The following PLAAT1 variants were observed in gnomAD, a reference collection of about 807,000 sequenced individuals.
The protein encoded by PLAAT1 is phospholipase A and acyltransferase 1.
In PLAAT1, 13 loss-of-function variants were observed where a neutral mutation model predicts 16.4. The observed-to-expected ratio is 0.79, with a 90% CI of 0.52 to 1.26. The LOEUF is 1.26. PLAAT1 is among the 50% of genes most tolerant of loss of function. The probability of loss-of-function intolerance (pLI) is 0.00; values close to 1 mark genes in which losing one functional copy is unlikely to be tolerated. For missense variants in PLAAT1, 218 were observed against 207.8 expected (o/e 1.05, Z -0.30); for synonymous variants, 73 against 78.4 (o/e 0.93, Z 0.36).
intron 2 of PLAAT1, among the ~76,000 whole-genome samples, chr3:193,257,084 G>T (rs1177394094): frequency 2.0e-5 from 3 of 152,070 alleles, no homozygotes; most frequent in Non-Finnish European, 4.4e-5. Flanking sequence ...CCCGGACTAT[G>T]TCTCTTTAAA....
At chr3:193,280,440 T>C (rs140956202), downstream of PLAAT1, among the ~76,000 whole-genome samples, 5 of 152,362 alleles carry the variant, frequency 3.3e-5, no homozygotes, top group Middle Eastern at 3.4e-3. Flanking sequence ...GTATGTATCA[T>C]ATTCTGCTTT....
intron 2 of PLAAT1, 46 bp downstream of exon 2, chr3:193,255,835 C>T (rs1215742042): frequency 6.8e-7 from 1 of 1,473,004 alleles, no homozygotes. Flanking sequence ...TTTTAGTGTT[C>T]TTGTTACAGG....
chr3:193,280,165 T>C (rs899115344), downstream of PLAAT1, among the ~76,000 whole-genome samples: 1 of 151,892 alleles, frequency 6.6e-6, no homozygotes, highest in Non-Finnish European at 1.5e-5. Flanking sequence ...ATTCTCCTGC[T>C]TCAGCCTCCC....
upstream of PLAAT1, chr3:193,241,133 C>T: frequency 1.1e-6 from 1 of 885,660 alleles, no homozygotes; most frequent in Non-Finnish European, 1.3e-6. Flanking sequence ...GGCGGGCGGG[C>T]GGGCGGGCGA....
chr3:193,256,999 A>G (rs968457905), intron 2 of PLAAT1, among the ~76,000 whole-genome samples: 3 of 152,310 alleles, frequency 2.0e-5, no homozygotes, highest in Middle Eastern at 6.8e-3. Flanking sequence ...AGAGATGCCT[A>G]TATTTAGGGG....
chr3:193,263,235 G>A lies in PLAAT1; in HGVS notation c.405G>A (p.Gln135=), dbSNP rs1716655345. 1 of 1,612,710 alleles carries A rather than the reference G, an allele frequency of 6.2e-7. No individual in the cohort carries two copies. The highest frequency in any genetic ancestry group is 8.5e-7 in the Non-Finnish European group (1 of 1,179,070). Residue 135 remains glutamine, a splice_region_variant and synonymous_variant, in exon 3 of 4, where the codon CAG becomes CAA. Coordinates refer to ENST00000264735, the MANE Select transcript of PLAAT1 (RefSeq NM_020386.5). Reference sequence around the variant, plus strand: ...GCTATGGAGAAGGAGTTTCAGAGCAGGTAAGTTTTCTTTAGGAGATATTCT... The same window carrying A: ...GCTATGGAGAAGGAGTTTCAGAGCAAGTAAGTTTTCTTTAGGAGATATTCT... ...LLRYGEGVSE[Q]ANRAISTVEF...
In PLAAT1 at chr3:193,270,084, AC is replaced by A. The variant is rs1329705701; in HGVS notation, c.406-519del. Among the ~76,000 whole-genome samples the A allele has an allele frequency of 8.5e-3, 1,292 of 152,000 alleles. 22 individuals carry two copies. The highest frequency in any genetic ancestry group is 0.03 in the African/African-American group (1,241 of 41,484). On this transcript the variant is annotated intron_variant, in intron 3 of 3. Transcript: ENST00000264735. ...ACATCCCTGAAACACACACACACAC[AC>A]ACACACACACACACACACACTCTTA...
At chr3:193,242,178 C>T (rs1715787827) in intron 1 of PLAAT1, among the ~76,000 whole-genome samples, 1 of 151,346 alleles carries the variant, frequency 6.6e-6, no homozygotes, top group South Asian at 2.1e-4. Flanking sequence ...ATGTGTGGCC[C>T]AAGACAGTTC....
intron 1 of PLAAT1, among the ~76,000 whole-genome samples, 180 bp downstream of exon 1, chr3:193,241,713 A>C (rs1715756653): frequency 6.6e-6 from 1 of 152,204 alleles, no homozygotes; most frequent in African/African-American, 2.4e-5. Context: ...CCTAGGTTAC[A>C]CAGCTATTAA....
intron 1 of PLAAT1, among the ~76,000 whole-genome samples, chr3:193,250,052 C>T (rs1168786558): frequency 6.6e-6 from 1 of 152,046 alleles, no homozygotes; most frequent in Non-Finnish European, 1.5e-5. Context: ...TCATTTTCCT[C>T]CGTTCCCTAT....
intron 2 of PLAAT1, among the ~76,000 whole-genome samples, chr3:193,262,721 A>G (rs1055254651): frequency 6.6e-6 from 1 of 152,364 alleles, no homozygotes; most frequent in South Asian, 2.1e-4. Context: ...TTCTCATCCA[A>G]TTTGTTCTAT....
At chr3:193,275,716 A>C (rs1192845091), downstream of PLAAT1, among the ~76,000 whole-genome samples, 1 of 152,186 alleles carries the variant, frequency 6.6e-6, no homozygotes, top group Non-Finnish European at 1.5e-5. Flanking sequence ...TAGAAATCAA[A>C]TGTTTATTGG....
intron 1 of PLAAT1, among the ~76,000 whole-genome samples, chr3:193,246,134 A>G (rs1268646591): frequency 6.6e-6 from 1 of 152,102 alleles, no homozygotes; most frequent in Non-Finnish European, 1.5e-5. Flanking sequence ...TGTCTTTCTA[A>G]TCTTACAGGA....
intron 2 of PLAAT1, among the ~76,000 whole-genome samples, chr3:193,276,488 GCATT>G (rs1432730304): frequency 4.6e-5 from 7 of 152,156 alleles, no homozygotes; most frequent in Non-Finnish European, 7.4e-5. Flanking sequence ...GCAATACAGT[GCATT>G]CATGGAAGCA....
chr3:193,270,476 G>T, intron 3 of PLAAT1, 128 bp from the exon 4 acceptor site: 1 of 619,292 alleles, frequency 1.6e-6, no homozygotes, highest in Non-Finnish European at 2.6e-6. Context: ...ATTTTGCATT[G>T]TACTTTAGAT....
intron 2 of PLAAT1, among the ~76,000 whole-genome samples, chr3:193,261,712 T>C (rs1232776676): frequency 6.6e-6 from 1 of 152,208 alleles, no homozygotes; most frequent in East Asian, 1.9e-4. Flanking sequence ...AATTCCATAT[T>C]ATTGTGGTTT....
At chr3:193,281,237 T>C, downstream of PLAAT1, 1 of 984,436 alleles carries the variant, frequency 1.0e-6, no homozygotes, top group Non-Finnish European at 1.2e-6. Flanking sequence ...AGAGGACGCC[T>C]GAAAGGTCTG....
downstream of PLAAT1, chr3:193,270,881 C>A: frequency 7.7e-7 from 1 of 1,292,598 alleles, no homozygotes; most frequent in Non-Finnish European, 9.8e-7. Context: ...AATTTTTTTC[C>A]CCTGCTAGCA....
In PLAAT1 at chr3:193,242,534, G is replaced by A. The variant is rs149126949; in HGVS notation, c.-1+1001G>A. Among the ~76,000 whole-genome samples the A allele has an allele frequency of 1.2e-3, 187 of 152,296 alleles. 2 individuals are homozygous for A. Among genetic ancestry groups the A allele is most frequent in the African/African-American group, 4.2e-3 (176 of 41,560 alleles). On this transcript the variant is annotated intron_variant, in intron 1 of 3. Transcript: ENST00000264735. ...AATACTCTTGAGTGGGAAGAATAAT[G>A]GATAGTTTGATTTGCCTAGAATGTA... is the stretch of plus-strand genomic sequence containing the variant.
Sources: allele counts gnomAD v4.1 joint callset (sites outside exome capture counted in the v4.1 genomes callset), GRCh38; gene constraint gnomAD v4.1.1; transcripts MANE v1.5; gene names NCBI Gene and HGNC (gene_info 2026-07-23, HGNC 2026-07-21).